Variants in DTNA observed in about 807,000 individuals in gnomAD.
The protein encoded by DTNA is dystrobrevin alpha.
A neutral mutation model predicts 100.7 loss-of-function variants in DTNA; 43 were observed. That is an observed-to-expected ratio of 0.43 (90% CI 0.33 to 0.55). DTNA has a LOEUF of 0.55. Ranked by LOEUF, DTNA falls within the 20% of genes least tolerant of loss-of-function variation. The probability of loss-of-function intolerance (pLI) is 0.04; values close to 1 mark genes in which losing one functional copy is unlikely to be tolerated. For synonymous variants in DTNA, 349 were observed against 347.9 expected, an observed-to-expected ratio of 1.00 and a Z score of -0.04; for missense variants, 798 against 953.9, an observed-to-expected ratio of 0.84 and a Z score of 2.15.
chr18:34,867,638 A>G (rs2150214043), intron 17 of DTNA: 3 of 995,646 alleles, frequency 3.0e-6, no homozygotes, highest in Non-Finnish European at 3.6e-6. Flanking sequence ...AGAGAGGGCA[A>G]TCATCCTGTC....
At chr18:34,712,598 G>C (rs1392981637) in intron 1 of DTNA, among the ~76,000 whole-genome samples, 1 of 152,096 alleles carries the variant, frequency 6.6e-6, no homozygotes, top group African/African-American at 2.4e-5. Flanking sequence ...TTCTTTTATA[G>C]TTGTTTTGGT....
chr18:34,818,563 A>T (rs1310081643), intron 8 of DTNA: 7 of 1,393,470 alleles, frequency 5.0e-6, no homozygotes, highest in Non-Finnish European at 6.5e-6. Context: ...AAACTATGTT[A>T]CTTCTTGGAA....
At chr18:34,654,058 A>G (rs1333293277) in intron 1 of DTNA, among the ~76,000 whole-genome samples, 1 of 152,226 alleles carries the variant, frequency 6.6e-6, no homozygotes, top group Admixed American at 6.5e-5. Flanking sequence ...GGCTTGGGAC[A>G]GGGATGACTC....
chr18:34,792,075 G>C (rs1011441487), intron 3 of DTNA, among the ~76,000 whole-genome samples: 2 of 133,540 alleles, frequency 1.5e-5, no homozygotes, highest in Admixed American at 8.4e-5. Flanking sequence ...ACACAGTAAC[G>C]GTTCTATGTA....
intron 5 of DTNA, among the ~76,000 whole-genome samples, chr18:34,811,100 C>G (rs1439040421): frequency 6.6e-6 from 1 of 152,222 alleles, no homozygotes; most frequent in African/African-American, 2.4e-5. Flanking sequence ...GGCCTGGTGA[C>G]AAGCTAGTTA....
At chr18:34,704,673 T>A (rs931518158) in intron 1 of DTNA, among the ~76,000 whole-genome samples, 1 of 152,220 alleles carries the variant, frequency 6.6e-6, no homozygotes, top group Non-Finnish European at 1.5e-5. Flanking sequence ...TGACTACACC[T>A]AGTTCATTAA....
intron 14 of DTNA, among the ~76,000 whole-genome samples, chr18:34,849,521 A>G (rs887884794): frequency 3.3e-5 from 5 of 152,190 alleles, no homozygotes; most frequent in Non-Finnish European, 7.3e-5. Context: ...TGCTTATTAT[A>G]TATGTCAGTG....
chr18:34,755,021 C>T (rs2092676682), intron 1 of DTNA, among the ~76,000 whole-genome samples: 1 of 152,216 alleles, frequency 6.6e-6, no homozygotes, highest in Non-Finnish European at 1.5e-5. Flanking sequence ...AAAAACCATG[C>T]AGCTACACCT....
intron 15 of DTNA, among the ~76,000 whole-genome samples, chr18:34,855,569 A>G (rs1400824658): frequency 6.6e-6 from 1 of 152,156 alleles, no homozygotes; most frequent in East Asian, 1.9e-4. Flanking sequence ...TTTACTAGCA[A>G]TCCTCTTTTC....
At chr18:34,660,337 G>A (rs915301514) in intron 1 of DTNA, among the ~76,000 whole-genome samples, 1 of 151,612 alleles carries the variant, frequency 6.6e-6, no homozygotes, top group Admixed American at 6.6e-5. Flanking sequence ...CAACTGAGCA[G>A]CATTAACATT....
chr18:34,737,152 A>G (rs969031301), intron 1 of DTNA, among the ~76,000 whole-genome samples: 4 of 152,240 alleles, frequency 2.6e-5, no homozygotes, highest in Admixed American at 2.0e-4. Flanking sequence ...TAACTGAAAC[A>G]GAACGGTATA....
At chr18:34,506,540 G>A (rs2040510540) in intron 1 of DTNA, among the ~76,000 whole-genome samples, 1 of 152,176 alleles carries the variant, frequency 6.6e-6, no homozygotes, top group African/African-American at 2.4e-5. Context: ...TCTTTCTTCT[G>A]TGGCTACAAT....
At chr18:34,689,863 G>C (rs1303709085) in intron 1 of DTNA, among the ~76,000 whole-genome samples, 1 of 152,204 alleles carries the variant, frequency 6.6e-6, no homozygotes, top group Non-Finnish European at 1.5e-5. Context: ...TGAATCTAGA[G>C]AGGCAGTCTG....
At chr18:34,781,212 G>T (rs1228764131) in intron 3 of DTNA, among the ~76,000 whole-genome samples, 1 of 152,008 alleles carries the variant, frequency 6.6e-6, no homozygotes, top group African/African-American at 2.4e-5. Context: ...ATTATTCAGG[G>T]TTCTTCATCA....
chr18:34,825,089 A>AC, intron 9 of DTNA, among the ~76,000 whole-genome samples: 1 of 151,940 alleles, frequency 6.6e-6, no homozygotes, highest in Non-Finnish European at 1.5e-5. Flanking sequence ...TAGCCAAGGG[A>AC]CTTTTTTTTT....
At chr18:34,570,581 C>A (rs2047491444) in intron 1 of DTNA, among the ~76,000 whole-genome samples, 1 of 152,192 alleles carries the variant, frequency 6.6e-6, no homozygotes, top group African/African-American at 2.4e-5. Context: ...CTGAATACTT[C>A]ACTTTTATTC....
intron 1 of DTNA, among the ~76,000 whole-genome samples, chr18:34,752,498 C>T (rs898801378): frequency 6.6e-6 from 1 of 152,172 alleles, no homozygotes; most frequent in Non-Finnish European, 1.5e-5. Context: ...GTCCTAGAGT[C>T]CCTCTATTGA....
At chr18:34,632,218 CCTTG>C (rs1339013836) in intron 1 of DTNA, among the ~76,000 whole-genome samples, 1 of 152,082 alleles carries the variant, frequency 6.6e-6, no homozygotes, top group Non-Finnish European at 1.5e-5. Context: ...TTTTCCTTCT[CCTTG>C]TATGGTGCCA....
intron 1 of DTNA, among the ~76,000 whole-genome samples, chr18:34,506,592 A>C (rs75127284): frequency 0.14 from 21,713 of 152,136 alleles, 2,158 homozygotes; most frequent in African/African-American, 0.28. Flanking sequence ...TCTAGCTATG[A>C]TGCTCCTTTC....
Sources: allele counts gnomAD v4.1 joint callset (sites outside exome capture counted in the v4.1 genomes callset), GRCh38; gene constraint gnomAD v4.1.1; transcripts MANE v1.5; gene names NCBI Gene and HGNC (gene_info 2026-07-23, HGNC 2026-07-21).